Variants in FRAS1 observed in about 807,000 individuals in gnomAD.
FRAS1 encodes Fraser extracellular matrix complex subunit 1.
Under a neutral mutation model 435.2 loss-of-function variants are expected in FRAS1, and 290 were observed. That is an observed-to-expected ratio of 0.67 (90% CI 0.61 to 0.73). The LOEUF (loss-of-function observed/expected upper bound fraction) is 0.73, where lower values mean the gene tolerates loss of function less well. Among genes scored for constraint, FRAS1 ranks in the 30% least tolerant of loss-of-function variants. FRAS1 has a pLI of 0.00. For synonymous variants in FRAS1, 1,800 were observed against 1,851.0 expected, an observed-to-expected ratio of 0.97 and a Z score of 0.71; for missense variants, 4,860 against 5,001.5, an observed-to-expected ratio of 0.97 and a Z score of 0.85.
At position 78,507,482 on chromosome 4, in the gene FRAS1, A is replaced by G; in HGVS notation, c.9378A>G (p.Glu3126=). The G allele has an allele frequency of 6.2e-7, 1 of 1,612,962 alleles. No homozygotes were observed. The highest frequency in any genetic ancestry group is 8.5e-7 in the Non-Finnish European group (1 of 1,179,484). The change falls in exon 62 of 74, where the codon GAA becomes GAG. Residue 3126 remains glutamate, a synonymous_variant. Coordinates refer to ENST00000512123, the MANE Select transcript of FRAS1 (RefSeq NM_025074.7). The stretch of plus-strand genomic sequence containing the variant: ...CCAATGAAGACCGGGAATGGCATGA[A>G]TCTTTCTCACTAGTCCTTGGCCCAG... ...ILSNEDREWH[E]SFSLVLGPDD...
intron 1 of FRAS1, among the ~76,000 whole-genome samples, chr4:78,058,660 G>C (rs1421246436): frequency 6.6e-6 from 1 of 152,128 alleles, no homozygotes; most frequent in Non-Finnish European, 1.5e-5. Context: ...GCACGAACCA[G>C]CCTGCTTCCC....
chr4:78,303,484 C>T lies in FRAS1; in HGVS notation c.1535-4582C>T, dbSNP rs188993045. ...TTTTCACGATATTGATTCTTCCTAC[C>T]CATGAGCATGGAATGTTCTTCCATT... On this transcript the variant is annotated intron_variant, in intron 14 of 73. Coordinates refer to ENST00000512123, the MANE Select transcript of FRAS1 (RefSeq NM_025074.7). 2.3e-3 allele frequency among the ~76,000 whole-genome samples: 347 copies of T among 152,224 alleles called. 1 individual carries two copies. The highest frequency in any genetic ancestry group is 8.2e-3 in the African/African-American group (339 of 41,538).
chr4:78,479,718 G>A lies in FRAS1; in HGVS notation c.8443G>A (p.Gly2815Ser), dbSNP rs755350045. ...GGCTTTCACTGTCAGTGAGGACGCA[G>A]GTAATGGAGAGTGTCTCTGAGTTTC... Reference protein sequence around the residue: ...NTAFTVSEDAGTVKIPVIRHG... With the variant: ...NTAFTVSEDASTVKIPVIRHG... Residue 2815 changes from glycine to serine, a missense_variant and splice_region_variant, in exon 56 of 74, where the codon GGC (glycine) becomes AGC (serine). Coordinates refer to ENST00000512123, the MANE Select transcript of FRAS1 (RefSeq NM_025074.7). The A allele has an allele frequency of 6.4e-7, 1 of 1,564,890 alleles. No homozygotes were observed. Among genetic ancestry groups the A allele is most frequent in the East Asian group, 2.3e-5 (1 of 44,218 alleles).
chr4:78,371,083 G>GGTTTTTTTT (rs1456015210), intron 23 of FRAS1, among the ~76,000 whole-genome samples: 7 of 127,400 alleles, frequency 5.5e-5, no homozygotes, highest in African/African-American at 1.6e-4. Context: ...TTTTTTTTCT[G>GGTTTTTTTT]TTTTTTTGTT....
At chr4:78,337,434 G>A (rs142012898) in intron 19 of FRAS1, among the ~76,000 whole-genome samples, 1 of 152,222 alleles carries the variant, frequency 6.6e-6, no homozygotes, top group East Asian at 1.9e-4. Flanking sequence ...ATGTGTGGCC[G>A]ATTTCTCACA....
intron 9 of FRAS1, among the ~76,000 whole-genome samples, chr4:78,269,074 A>G (rs926343727): frequency 6.6e-6 from 1 of 152,224 alleles, no homozygotes; most frequent in Non-Finnish European, 1.5e-5. Flanking sequence ...ATTTTAACCA[A>G]CATTGACTCT....
At chr4:78,411,135 G>A (rs1188942789) in intron 31 of FRAS1, among the ~76,000 whole-genome samples, 1 of 138,146 alleles carries the variant, frequency 7.2e-6, no homozygotes, top group Non-Finnish European at 1.5e-5. Context: ...TTCTGAGACA[G>A]AGTTTCACTC....
At chr4:78,266,761 T>C (rs1357754737) in intron 7 of FRAS1, 73 bp from the exon 8 acceptor site, 1 of 1,138,102 alleles carries the variant, frequency 8.8e-7, no homozygotes, top group Non-Finnish European at 1.3e-6. Context: ...ATTGGGTGTC[T>C]TATGTGACAG....
intron 2 of FRAS1, among the ~76,000 whole-genome samples, chr4:78,159,414 G>A (rs1721041826): frequency 6.6e-6 from 1 of 152,156 alleles, no homozygotes; most frequent in Admixed American, 6.5e-5. Context: ...ATATAAGATA[G>A]GGCTTTCATG....
At chr4:78,471,215 C>T (rs1364468396) in intron 51 of FRAS1, among the ~76,000 whole-genome samples, 1 of 152,192 alleles carries the variant, frequency 6.6e-6, no homozygotes, top group Non-Finnish European at 1.5e-5. Context: ...CACATCCCCA[C>T]CCAAACATAG....
chr4:78,464,592 A>G lies in FRAS1; in HGVS notation c.7029+9A>G, dbSNP rs188606284. 1.8e-5 allele frequency: 29 copies of G among 1,612,904 alleles called. No homozygotes were observed. The African/African-American group carries it at 1.9e-4, about 10-fold the overall frequency. On this transcript the variant is annotated intron_variant, in intron 49 of 73. Transcript: ENST00000512123. ...TGGATGCTGACACAGAGGTAAGAGCACTTCTTCCCATGGGTTCTCTGGCTA... is the reference window on the plus strand; with the variant it reads ...TGGATGCTGACACAGAGGTAAGAGCGCTTCTTCCCATGGGTTCTCTGGCTA...
chr4:78,294,462 T>G (rs1728052273), intron 14 of FRAS1, among the ~76,000 whole-genome samples: 1 of 152,160 alleles, frequency 6.6e-6, no homozygotes, highest in Non-Finnish European at 1.5e-5. Flanking sequence ...AACCCTTGGA[T>G]TATACCTATG....
intron 2 of FRAS1, among the ~76,000 whole-genome samples, chr4:78,101,340 T>C (rs1742119803): frequency 6.6e-6 from 1 of 152,192 alleles, no homozygotes. Flanking sequence ...ATGTTTTTCT[T>C]TATTTTTTTC....
chr4:78,336,147 T>G (rs866900163), intron 19 of FRAS1, among the ~76,000 whole-genome samples: 6 of 152,112 alleles, frequency 3.9e-5, no homozygotes, highest in Non-Finnish European at 8.8e-5. Flanking sequence ...TGAACACAAA[T>G]TTAGATGATT....
chr4:78,526,424 T>C (rs1333464142), intron 69 of FRAS1, 117 bp from the exon 70 acceptor site: 1 of 625,362 alleles, frequency 1.6e-6, no homozygotes, highest in Non-Finnish European at 2.8e-6. Context: ...GTAAAGTTCT[T>C]AGATGCTGGA....
intron 2 of FRAS1, among the ~76,000 whole-genome samples, chr4:78,112,021 C>G (rs1742749744): frequency 6.6e-6 from 1 of 152,090 alleles, no homozygotes; most frequent in African/African-American, 2.4e-5. Context: ...TTTTTGGAAT[C>G]TTTGACATGC....
intron 2 of FRAS1, among the ~76,000 whole-genome samples, chr4:78,231,610 C>T (rs1176297816): frequency 2.6e-5 from 4 of 152,038 alleles, no homozygotes; most frequent in Non-Finnish European, 5.9e-5. Context: ...AGGGTTATTA[C>T]ACCATTTAGA....
intron 47 of FRAS1, among the ~76,000 whole-genome samples, chr4:78,453,986 C>T (rs966756317): frequency 6.6e-6 from 1 of 151,968 alleles, no homozygotes; most frequent in Non-Finnish European, 1.5e-5. Context: ...CTTTCTAATG[C>T]AAGGATTCCA....
chr4:78,416,558 TC>T (rs1385901549), intron 32 of FRAS1, among the ~76,000 whole-genome samples: 1 of 151,592 alleles, frequency 6.6e-6, no homozygotes, highest in East Asian at 1.9e-4. Context: ...TTCCTCAAGA[TC>T]AGGAATGTAC....
Sources: allele counts gnomAD v4.1 joint callset (sites outside exome capture counted in the v4.1 genomes callset), GRCh38; gene constraint gnomAD v4.1.1; transcripts MANE v1.5; gene names NCBI Gene and HGNC (gene_info 2026-07-23, HGNC 2026-07-21).